Variants in EHMT1 observed in about 807,000 individuals in gnomAD.
The protein encoded by EHMT1 is euchromatic histone lysine methyltransferase 1.
In EHMT1, 15 loss-of-function variants were observed where a neutral mutation model predicts 147.2. The observed-to-expected ratio is 0.10, with a 90% CI of 0.07 to 0.16. The LOEUF is 0.16. Ranked by LOEUF, EHMT1 falls within the 10% of genes least tolerant of loss-of-function variation. The pLI, the probability that EHMT1 is intolerant of heterozygous loss-of-function variation, is 1.00. For missense variants in EHMT1, 1,587 were observed against 1,772.4 expected, an observed-to-expected ratio of 0.90 and a Z score of 1.88; for synonymous variants, 795 against 709.6, an observed-to-expected ratio of 1.12 and a Z score of -1.91.
intron 1 of EHMT1, among the ~76,000 whole-genome samples, chr9:137,661,352 T>A (rs923484996): frequency 6.6e-6 from 1 of 152,168 alleles, no homozygotes; most frequent in African/African-American, 2.4e-5. Flanking sequence ...ACTTGAAAAC[T>A]ATTTTTTTCC....
Position 137,782,734 on chromosome 9 carries a change from C to T in EHMT1, c.2382+337C>T, listed in dbSNP as rs139763404. Among the ~76,000 whole-genome samples, 1,438 of 152,330 alleles carry T rather than the reference C, an allele frequency of 9.4e-3. 7 individuals carry two copies. Among genetic ancestry groups the T allele is most frequent in the Non-Finnish European group, 0.015 (992 of 68,026 alleles). ...GGCACGGACGCCCCTCCCCCAGCCC[C>T]GTTGACTGGCTCCCATTTTGTTTAG... is the stretch of plus-strand genomic sequence containing the variant. On this transcript the variant is annotated intron_variant, in intron 15 of 26. Transcript: ENST00000460843. This position sits in a 1 kb window ranked among gnomAD's most constrained non-coding sequence, Gnocchi z 5.7.
rs553439727 is a variant in EHMT1 at position 137,795,632 on chromosome 9, T to G, written c.2506-3181T>G. Reference sequence around the variant, plus strand: ...CGGCTGGGAGTGGTTTTTGTTTGTTTGTTTGTTTGTTTTTAACCTCATCAA... The same window carrying G: ...CGGCTGGGAGTGGTTTTTGTTTGTTGGTTTGTTTGTTTTTAACCTCATCAA... On this transcript the variant is annotated intron_variant, in intron 16 of 26. Coordinates refer to ENST00000460843, the MANE Select transcript of EHMT1 (RefSeq NM_024757.5). Among the ~76,000 whole-genome samples, 4 of 152,206 alleles carry G rather than the reference T, an allele frequency of 2.6e-5. No homozygotes were observed. In the East Asian group the frequency reaches 7.7e-4, roughly 29 times the overall value.
At chr9:137,712,792 G>T (rs1321964847) in intron 2 of EHMT1, among the ~76,000 whole-genome samples, 1 of 151,992 alleles carries the variant, frequency 6.6e-6, no homozygotes, top group East Asian at 1.9e-4. Flanking sequence ...CGACTTACCT[G>T]TTTTTTTCCT....
chr9:137,765,764 G>A (rs1950179343), intron 10 of EHMT1, among the ~76,000 whole-genome samples: 2 of 151,528 alleles, frequency 1.3e-5, no homozygotes, highest in Admixed American at 6.6e-5. Flanking sequence ...CACTTCCAGG[G>A]TCAGTTTCAC....
rs143062343 is a variant in EHMT1, at chr9:137,686,359, T to A, written c.22-24608T>A. Among the ~76,000 whole-genome samples, 652 of 152,172 alleles carry A rather than the reference T, an allele frequency of 4.3e-3. 4 individuals carry two copies. The highest frequency in any genetic ancestry group is 0.013 in the African/African-American group (526 of 41,466). On this transcript the variant is annotated intron_variant, in intron 1 of 26. Coordinates refer to ENST00000460843, the MANE Select transcript of EHMT1 (RefSeq NM_024757.5). ...AGTTTTATCTCATATTTGTTTTTTTTATCTATTTTGAGGCAGTTTTAAAAA... is the reference window on the plus strand; with the variant it reads ...AGTTTTATCTCATATTTGTTTTTTTAATCTATTTTGAGGCAGTTTTAAAAA...
intron 3 of EHMT1, among the ~76,000 whole-genome samples, chr9:137,724,273 C>T (rs1019532873): frequency 6.6e-6 from 1 of 152,174 alleles, no homozygotes; most frequent in Non-Finnish European, 1.5e-5. Flanking sequence ...AGCCCACCGC[C>T]CCACCCCCGC....
intron 1 of EHMT1, among the ~76,000 whole-genome samples, chr9:137,634,585 T>A (rs2501568): frequency 0.23 from 34,745 of 151,968 alleles, 4,869 homozygotes; most frequent in African/African-American, 0.37. Flanking sequence ...GTCTTTTTCA[T>A]GATTGGGTCC....
At chr9:137,665,877 C>T (rs985381778) in intron 1 of EHMT1, 1 of 152,220 alleles carries the variant, frequency 6.6e-6, no homozygotes, top group Non-Finnish European at 1.5e-5. Flanking sequence ...GGAATCCTGC[C>T]GCTGGGGCAG....
chr9:137,832,069 G>A (rs7030806), intron 25 of EHMT1, among the ~76,000 whole-genome samples: 685 of 143,814 alleles, frequency 4.8e-3, no homozygotes, highest in African/African-American at 0.017. Flanking sequence ...CACAGGCTCC[G>A]CCTCCTACGT....
intron 3 of EHMT1, 172 bp downstream of exon 3, chr9:137,717,354 G>A (rs1440018104): frequency 3.4e-6 from 3 of 871,718 alleles, no homozygotes; most frequent in Non-Finnish European, 5.4e-6. Context: ...TGTTATCGCA[G>A]CACTTTGGGA....
intron 3 of EHMT1, among the ~76,000 whole-genome samples, chr9:137,727,662 C>T (rs1373045924): frequency 6.6e-6 from 1 of 152,188 alleles, no homozygotes; most frequent in Non-Finnish European, 1.5e-5. Flanking sequence ...GTTAAACTAT[C>T]ACAGGTCTGT....
At chr9:137,676,945 T>C (rs1228765849) in intron 1 of EHMT1, among the ~76,000 whole-genome samples, 2 of 152,108 alleles carry the variant, frequency 1.3e-5, no homozygotes, top group African/African-American at 4.8e-5. Flanking sequence ...CTTTAGTGTG[T>C]CCTGTCCTCA....
At position 137,782,968 on chromosome 9, in the gene EHMT1, G is replaced by T. The variant is rs1951684520; in HGVS notation, c.2382+571G>T. 6.6e-6 allele frequency among the ~76,000 whole-genome samples: 1 copy of T among 152,202 alleles called. No individual in the cohort carries two copies. Among genetic ancestry groups the T allele is most frequent in the African/African-American group, 2.4e-5 (1 of 41,452 alleles). On this transcript the variant is annotated intron_variant, in intron 15 of 26. Transcript: ENST00000460843. This position sits in a 1 kb window ranked among gnomAD's most constrained non-coding sequence, Gnocchi z 5.7. Reference sequence around the variant, plus strand: ...CTGTGACGCCCCTTCCCTGATCCCGGTGTTGGATCCCCTGTTTCTCAAGTG... The same window carrying T: ...CTGTGACGCCCCTTCCCTGATCCCGTTGTTGGATCCCCTGTTTCTCAAGTG...
chr9:137,798,486 G>T (rs2137301793), intron 16 of EHMT1, among the ~76,000 whole-genome samples: 1 of 152,306 alleles, frequency 6.6e-6, no homozygotes, highest in East Asian at 1.9e-4. Flanking sequence ...CGTTTCCGGA[G>T]CCGTGGGGTG....
chr9:137,699,397 G>T (rs1029395672), intron 1 of EHMT1, among the ~76,000 whole-genome samples: 18 of 152,312 alleles, frequency 1.2e-4, no homozygotes, highest in African/African-American at 3.6e-4. Context: ...GTTGGGCCAG[G>T]CATGGTGGCT....
chr9:137,807,478 C>CTTATTTAT (rs60007941), intron 18 of EHMT1, among the ~76,000 whole-genome samples: 4 of 148,000 alleles, frequency 2.7e-5, no homozygotes, highest in African/African-American at 5.0e-5. Context: ...GCTTTATTTA[C>CTTATTTAT]TTATTTATTT....
rs199839806 is a variant in EHMT1, at chr9:137,776,776, C to T, written c.1950C>T (p.Thr650=). The T allele has an allele frequency of 6.9e-4, 1,109 of 1,614,016 alleles. 18 individuals carry two copies. In the South Asian group the frequency reaches 0.011, roughly 16 times the overall value. Residue 650 remains threonine, a synonymous_variant, in exon 12 of 27, where the codon ACC becomes ACT. Transcript: ENST00000460843. This position sits in a 1 kb window ranked among gnomAD's most constrained non-coding sequence, Gnocchi z 4.4. ...TAGCTAAAGCAGACACCACCTCGAC[C>T]GTGACACCAGTCCCCGGGCAGGAGA... ...VTIAKADTTS[T]VTPVPGQEKG... is the part of the protein sequence containing the mutation.
intron 2 of EHMT1, among the ~76,000 whole-genome samples, chr9:137,713,702 C>A (rs1275497648): frequency 1.3e-5 from 2 of 152,014 alleles, no homozygotes; most frequent in East Asian, 1.9e-4. Flanking sequence ...GTAATCCCAG[C>A]ACTTTGGGAG....
intron 18 of EHMT1, chr9:137,802,812 G>T (rs117169166): frequency 2.4e-6 from 3 of 1,231,858 alleles, no homozygotes; most frequent in East Asian, 6.3e-5. Context: ...GTATCCAGGG[G>T]GTTTCTACCT....
Sources: gnomAD v4.1 joint callset for allele counts (sites outside exome capture counted in the v4.1 genomes callset) on GRCh38, gnomAD v4.1.1 for gene constraint, Gnocchi (gnomAD v3.1) non-coding constraint, MANE v1.5 for transcripts, NCBI Gene and HGNC (gene_info 2026-07-23, HGNC 2026-07-21) for gene names.